Variants in AK9 observed in about 807,000 individuals in gnomAD.
AK9 encodes the protein adenylate kinase domain containing 1.
AK9 carries 191 observed loss-of-function variants against 239.6 expected under a neutral mutation model. The observed-to-expected ratio is 0.80, with a 90% CI of 0.71 to 0.90. The LOEUF (loss-of-function observed/expected upper bound fraction) is 0.90, where lower values mean the gene tolerates loss of function less well. AK9 is among the 40% of genes least tolerant of loss of function. The pLI is 0.00. For synonymous variants in AK9, 689 were observed against 721.0 expected (o/e 0.96, Z 0.71); for missense variants, 1,995 against 2,214.7 (o/e 0.90, Z 1.99).
intron 35 of AK9, among the ~76,000 whole-genome samples, chr6:109,502,993 T>G (rs1777748362): frequency 7.5e-6 from 1 of 133,736 alleles, no homozygotes; most frequent in Non-Finnish European, 1.5e-5. Flanking sequence ...GTGTGTGTAT[T>G]ATTTTCAGTT....
At chr6:109,662,272 G>A (rs1047135949) in intron 6 of AK9, among the ~76,000 whole-genome samples, 11 of 152,188 alleles carry the variant, frequency 7.2e-5, no homozygotes, top group Admixed American at 2.0e-4. Flanking sequence ...AGGTGGTGGA[G>A]CGGGGTAGTT....
Position 109,563,703 on chromosome 6 carries a change from T to C in AK9, c.2645A>G (p.Gln882Arg). 6.5e-7 allele frequency: 1 copy of C among 1,550,056 alleles called. No individual in the cohort carries two copies. The highest frequency in any genetic ancestry group is 1.2e-5 in the South Asian group (1 of 83,830). ...CCCAGTTAACTCCCATGCAGTATAT[T>C]GAAATGGTTCTGGAGAAAAAGAGAA... ...KVVETMEKPF[Q>R]YTAWELTGED... Residue 882 changes from glutamine to arginine, a missense_variant, in exon 24 of 41, where the codon CAA becomes CGA. By Grantham distance (43) the Gln-to-Arg change is conservative. Transcript: ENST00000424296.
At chr6:109,646,573 G>A (rs1195230862) in intron 8 of AK9, among the ~76,000 whole-genome samples, 1 of 152,178 alleles carries the variant, frequency 6.6e-6, no homozygotes, top group South Asian at 2.1e-4. Flanking sequence ...GAGCCTCCAA[G>A]AAATATGGGA....
intron 18 of AK9, 106 bp downstream of exon 18, chr6:109,585,809 TG>T: frequency 9.7e-7 from 1 of 1,025,674 alleles, no homozygotes; most frequent in Non-Finnish European, 1.4e-6. Flanking sequence ...ATTGCTGGGG[TG>T]GGTATTTCTA....
intron 17 of AK9, among the ~76,000 whole-genome samples, chr6:109,605,537 C>A (rs1324738330): frequency 6.6e-6 from 1 of 151,902 alleles, no homozygotes; most frequent in East Asian, 1.9e-4. Flanking sequence ...AGATGTCTTT[C>A]TGATTTCAAT....
At chr6:109,556,973 TCC>T (rs1248135784) in intron 24 of AK9, among the ~76,000 whole-genome samples, 1 of 152,120 alleles carries the variant, frequency 6.6e-6, no homozygotes, top group African/African-American at 2.4e-5. Flanking sequence ...ATCTTCTGAA[TCC>T]TACCTCTGTC....
chr6:109,645,433 T>C (rs945968966), intron 8 of AK9, among the ~76,000 whole-genome samples: 1 of 152,198 alleles, frequency 6.6e-6, no homozygotes, highest in Non-Finnish European at 1.5e-5. Context: ...GAGCACCCCA[T>C]GCCCACAGAG....
At chr6:109,537,180 T>A (rs1227839514) in intron 27 of AK9, among the ~76,000 whole-genome samples, 1 of 152,184 alleles carries the variant, frequency 6.6e-6, no homozygotes, top group East Asian at 1.9e-4. Context: ...GAAGGATTGG[T>A]ACCAGCTCCT....
intron 21 of AK9, among the ~76,000 whole-genome samples, chr6:109,572,492 C>G (rs1300999520): frequency 2.0e-5 from 3 of 152,106 alleles, no homozygotes; most frequent in African/African-American, 4.8e-5. Flanking sequence ...GAGTCAGATA[C>G]TGGAGAGAAG....
At chr6:109,604,060 G>A (rs960328340) in intron 17 of AK9, among the ~76,000 whole-genome samples, 27 of 151,964 alleles carry the variant, frequency 1.8e-4, no homozygotes, top group African/African-American at 6.5e-4. Flanking sequence ...CTCATGCTCG[G>A]TGCACTGCCC....
At chr6:109,558,353 GT>G (rs1206241093) in intron 24 of AK9, among the ~76,000 whole-genome samples, 1 of 152,104 alleles carries the variant, frequency 6.6e-6, no homozygotes, top group African/African-American at 2.4e-5. Flanking sequence ...TCTTCCAGAA[GT>G]TTTGTAATGT....
intron 5 of AK9, among the ~76,000 whole-genome samples, chr6:109,671,029 C>G (rs375356374): frequency 1.1e-4 from 16 of 152,172 alleles, no homozygotes; most frequent in Admixed American, 6.5e-4. Context: ...ATGGGACATT[C>G]TATGTATCAT....
chr6:109,513,820 T>A (rs1312734652), intron 32 of AK9, among the ~76,000 whole-genome samples: 1 of 152,148 alleles, frequency 6.6e-6, no homozygotes, highest in Non-Finnish European at 1.5e-5. Flanking sequence ...ATAGATAGGA[T>A]CTCTGATGTT....
At position 109,499,315 on chromosome 6, in the gene AK9, A is replaced by AT. The variant is rs958426133; in HGVS notation, c.4850-76dup. On this transcript the variant is annotated intron_variant, in intron 35 of 40. Coordinates refer to ENST00000424296, the MANE Select transcript of AK9 (RefSeq NM_001145128.3). ...CGCAATGATTTTAGAAATTAAAATA[A>AT]TTTTAATTACACAGCACTATACATA... 3 of 1,201,024 alleles carry AT rather than the reference A, an allele frequency of 2.5e-6. No individual in the cohort carries two copies. The African/African-American group carries it at 4.7e-5, about 19-fold the overall frequency. 74.4% of individuals were successfully genotyped at this position (1,201,024 alleles called of 1,614,324 possible). A position where few individuals can be genotyped will look rare whatever the true frequency, so the allele number is the denominator to read the frequency against.
chr6:109,614,198 T>C lies in AK9; in HGVS notation c.1594A>G (p.Lys532Glu). The C allele has an allele frequency of 6.4e-7, 1 of 1,551,120 alleles. No individual in the cohort carries two copies. Among genetic ancestry groups the C allele is most frequent in the South Asian group, 1.2e-5 (1 of 84,048 alleles). ...ACTTTGTTACCATCTTTATCAACTT[T>C]AGCAGCTTGATCATGGAGGACATTT... ...SENVLHDQAAKVDKDDGKETG... is the reference protein window; with the variant it reads ...SENVLHDQAAEVDKDDGKETG... The change falls in exon 15 of 41, where the codon AAA (lysine) becomes GAA (glutamate). Residue 532 changes from lysine (K) to glutamate (E), a missense_variant. Coordinates refer to ENST00000424296, the MANE Select transcript of AK9 (RefSeq NM_001145128.3).
chr6:109,636,653 C>T (rs943909586), intron 10 of AK9, among the ~76,000 whole-genome samples: 5 of 149,372 alleles, frequency 3.3e-5, no homozygotes, highest in African/African-American at 9.9e-5. Flanking sequence ...ATATGTTTGC[C>T]CTTTTGTATC....
At chr6:109,596,906 A>T (rs542130419) in intron 17 of AK9, among the ~76,000 whole-genome samples, 9 of 152,294 alleles carry the variant, frequency 5.9e-5, no homozygotes, top group African/African-American at 2.2e-4. Context: ...TTAGTTCTTC[A>T]TTCAACCTTT....
intron 20 of AK9, among the ~76,000 whole-genome samples, chr6:109,574,065 T>C (rs1202166299): frequency 6.6e-6 from 1 of 152,204 alleles, no homozygotes; most frequent in Non-Finnish European, 1.5e-5. Context: ...ATGTGACTTT[T>C]AGAAAATTTA....
At chr6:109,608,050 T>G (rs779602036) in intron 17 of AK9, among the ~76,000 whole-genome samples, 23 of 151,766 alleles carry the variant, frequency 1.5e-4, no homozygotes, top group Non-Finnish European at 3.1e-4. Flanking sequence ...CCAAGGCAGA[T>G]AGATCACTTG....
Sources: allele counts gnomAD v4.1 joint callset (sites outside exome capture counted in the v4.1 genomes callset), GRCh38; gene constraint gnomAD v4.1.1; transcripts MANE v1.5; gene names NCBI Gene and HGNC (gene_info 2026-07-23, HGNC 2026-07-21).